Variants in ZNF675 observed in about 807,000 individuals in gnomAD.
The protein encoded by ZNF675 is zinc finger protein 675.
In ZNF675, 36 loss-of-function variants were observed where a neutral mutation model predicts 56.1. The observed-to-expected ratio is 0.64, with a 90% confidence interval of 0.49 to 0.85. ZNF675 has a LOEUF of 0.85. ZNF675 is among the 40% of genes least tolerant of loss of function. The pLI is 0.00. For synonymous variants in ZNF675, 200 were observed against 218.9 expected (o/e 0.91, Z 0.76); for missense variants, 663 against 654.2 (o/e 1.01, Z -0.15).
rs753056383 is a variant in ZNF675, at chr19:23,654,395, A to T, written c.538T>A (p.Ser180Thr). Residue 180 changes from serine to threonine, a missense_variant, in exon 4 of 4, where the codon TCA becomes ACA. Physicochemically the swap from Ser to Thr is moderately conservative, Grantham distance 58. Coordinates refer to ENST00000359788, the MANE Select transcript of ZNF675 (RefSeq NM_138330.3). ...GTTAGGTGTGAAAGCATGCAAAATG[A>T]TCTGCCACATTCTTTACATTTGAAA... ...KPFKCKECGRSFCMLSHLTRH... is the reference protein window; with the variant it reads ...KPFKCKECGRTFCMLSHLTRH... 8 of 1,611,490 alleles carry T rather than the reference A, an allele frequency of 5.0e-6. No homozygotes were observed. Among genetic ancestry groups the T allele is most frequent in the Non-Finnish European group, 6.8e-6 (8 of 1,178,458 alleles).
chr19:23,667,972 G>A, intron 1 of ZNF675, among the ~76,000 whole-genome samples: 2 of 147,586 alleles, frequency 1.4e-5, no homozygotes, highest in Non-Finnish European at 1.5e-5. Flanking sequence ...GGCCCCACCA[G>A]AGCAGCTAGA....
intron 1 of ZNF675, among the ~76,000 whole-genome samples, chr19:23,667,082 T>C (rs1342496606): frequency 6.6e-6 from 1 of 152,092 alleles, no homozygotes; most frequent in African/African-American, 2.4e-5. Context: ...GATGTTCAGA[T>C]GTGTTCGGAG....
chr19:23,660,406 A>C (rs564532164), intron 3 of ZNF675, among the ~76,000 whole-genome samples: 7 of 152,358 alleles, frequency 4.6e-5, no homozygotes, highest in African/African-American at 1.7e-4. Flanking sequence ...AAAATGAAAA[A>C]GAGCAATTGA....
rs1359868666 is a variant in ZNF675, at chr19:23,662,135, CA to C, written c.204del (p.His68GlnfsTer4). On this transcript the variant is annotated frameshift_variant, in exon 3 of 4. Coordinates refer to ENST00000359788, the MANE Select transcript of ZNF675 (RefSeq NM_138330.3). LOFTEE classifies it high-confidence loss of function. ...TTACCTGGGGGTTCATTCACCATCT[CA>C]TGTCTCTTCACAGTCAAAGGCTCTT... is the stretch of plus-strand genomic sequence containing the variant. ...QEKEPLTVKR[H>X]EMVNEPPVMC... 3 of 1,613,706 alleles carry C rather than the reference CA, an allele frequency of 1.9e-6. No individual in the cohort carries two copies. The highest frequency in any genetic ancestry group is 3.3e-5 in the Admixed American group (2 of 59,994).
intron 1 of ZNF675, among the ~76,000 whole-genome samples, chr19:23,676,908 A>C (rs1182636494): frequency 6.6e-6 from 1 of 151,424 alleles, no homozygotes; most frequent in Non-Finnish European, 1.5e-5. Flanking sequence ...CTCCGTCTCT[A>C]CTAAAAATAC....
At chr19:23,662,007 C>G in intron 3 of ZNF675, 107 bp downstream of exon 3, 1 of 808,468 alleles carries the variant, frequency 1.2e-6, no homozygotes. Flanking sequence ...GAAATTATTT[C>G]CTTTAAAACA....
At chr19:23,671,275 C>T (rs1968223470) in intron 1 of ZNF675, among the ~76,000 whole-genome samples, 1 of 152,122 alleles carries the variant, frequency 6.6e-6, no homozygotes, top group African/African-American at 2.4e-5. Flanking sequence ...AAACCAGCTT[C>T]TTGATACAAT....
chr19:23,666,879 CT>C (rs2144934475), intron 1 of ZNF675, among the ~76,000 whole-genome samples: 1 of 152,244 alleles, frequency 6.6e-6, no homozygotes, highest in African/African-American at 2.4e-5. Context: ...TGACTACCAC[CT>C]CACAGTTTGG....
intron 1 of ZNF675, among the ~76,000 whole-genome samples, chr19:23,664,152 T>A (rs1284907000): frequency 6.6e-6 from 1 of 152,204 alleles, no homozygotes; most frequent in African/African-American, 2.4e-5. Flanking sequence ...ACGCATGGCA[T>A]TCCAGGAGGC....
intron 1 of ZNF675, among the ~76,000 whole-genome samples, chr19:23,663,863 T>TA (rs1968114951): frequency 6.6e-6 from 1 of 152,226 alleles, no homozygotes; most frequent in African/African-American, 2.4e-5. Flanking sequence ...TCTCCATTTT[T>TA]ACTAAGGACC....
intron 1 of ZNF675, among the ~76,000 whole-genome samples, chr19:23,669,322 CAT>C (rs1968198629): frequency 1.3e-5 from 2 of 151,894 alleles, no homozygotes; most frequent in South Asian, 2.1e-4. Context: ...GGGTGAATCA[CAT>C]GTTTCAGGTG....
At chr19:23,668,783 C>T (rs1441690598) in intron 1 of ZNF675, among the ~76,000 whole-genome samples, 4 of 152,176 alleles carry the variant, frequency 2.6e-5, no homozygotes, top group African/African-American at 9.7e-5. Context: ...CTAAGTCCCT[C>T]ATTGCCCGGG....
Position 23,653,372 on chromosome 19 carries a change from A to C in ZNF675, c.1561T>G (p.Ser521Ala), listed in dbSNP as rs768318416. Residue 521 changes from serine to alanine, a missense_variant, in exon 4 of 4, where the codon TCA (serine) becomes GCA (alanine). Physicochemically the swap from Ser to Ala is moderately conservative, Grantham distance 99 (BLOSUM62 1). Around this residue, in one of 3 missense-constraint regions of ZNF675, gnomAD observed 617 missense variants for 590.5 expected, o/e 1.04. Transcript: ENST00000359788. ...ATTATCTTATGTTCAGTAAGTTTTG[A>C]GGATCGGCTAAAAGCTTTGCCACAT... ...EECGKAFSRS[S>A]KLTEHKIIHT... The C allele has an allele frequency of 1.2e-6, 2 of 1,613,632 alleles. No homozygotes were observed. Among genetic ancestry groups the C allele is most frequent in the East Asian group, 4.5e-5 (2 of 44,862 alleles).
chr19:23,660,066 C>T (rs1200654498), intron 3 of ZNF675, among the ~76,000 whole-genome samples: 1 of 152,200 alleles, frequency 6.6e-6, no homozygotes, highest in Non-Finnish European at 1.5e-5. Flanking sequence ...GTCTGCCCTA[C>T]AGAGCAAAAT....
At chr19:23,683,457 T>C (rs1464910909) in intron 1 of ZNF675, among the ~76,000 whole-genome samples, 1 of 152,190 alleles carries the variant, frequency 6.6e-6, no homozygotes, top group African/African-American at 2.4e-5. Flanking sequence ...TGTCTCGCTC[T>C]GACTCCCAGG....
chr19:23,661,422 G>A (rs966358238), intron 3 of ZNF675, among the ~76,000 whole-genome samples: 1 of 150,914 alleles, frequency 6.6e-6, no homozygotes, highest in African/African-American at 2.4e-5. Context: ...GGGGAATAGT[G>A]GCTCACACCT....
At chr19:23,670,603 C>T (rs912733195) in intron 1 of ZNF675, among the ~76,000 whole-genome samples, 12 of 152,060 alleles carry the variant, frequency 7.9e-5, no homozygotes, top group Admixed American at 6.6e-4. Flanking sequence ...CCTACAAGTT[C>T]CCCTCATACT....
intron 1 of ZNF675, among the ~76,000 whole-genome samples, chr19:23,667,197 G>C (rs1338181135): frequency 6.6e-6 from 1 of 151,996 alleles, no homozygotes; most frequent in South Asian, 2.1e-4. Context: ...GGAGTTGTTT[G>C]TTCCTCCCGG....
chr19:23,658,927 ATACCGATCTATAGATATAGATCTC>A (rs1968037003), intron 3 of ZNF675, among the ~76,000 whole-genome samples: 1 of 111,194 alleles, frequency 9.0e-6, no homozygotes, highest in East Asian at 3.3e-4. Flanking sequence ...AGATCTATAG[ATACCGATCTATAGATATAGATCTC>A]TAGAGATCTA....
Sources: allele counts gnomAD v4.1 joint callset (sites outside exome capture counted in the v4.1 genomes callset), GRCh38; gene constraint gnomAD v4.1.1; regional missense constraint gnomAD v4.1.1; transcripts MANE v1.5; gene names NCBI Gene and HGNC (gene_info 2026-07-23, HGNC 2026-07-21).